Variants in COPG2 observed in about 807,000 individuals in gnomAD.
COPG2 encodes coat protein complex I subunit gamma 2.
In COPG2, 37 loss-of-function variants were observed where a neutral mutation model predicts 46.3. That is an observed-to-expected ratio of 0.80 (90% CI 0.61 to 1.05). The LOEUF (loss-of-function observed/expected upper bound fraction) is 1.05, where lower values mean the gene tolerates loss of function less well. COPG2 is among the 50% of genes least tolerant of loss of function. The probability of loss-of-function intolerance (pLI) is 0.00; values close to 1 mark genes in which losing one functional copy is unlikely to be tolerated. For missense variants in COPG2, 427 were observed against 387.8 expected (o/e 1.10, Z -0.85); for synonymous variants, 159 against 129.7 (o/e 1.23, Z -1.53).
chr7:130,621,759 A>G (rs1795042512), intron 5 of COPG2, among the ~76,000 whole-genome samples: 1 of 152,018 alleles, frequency 6.6e-6, no homozygotes, highest in Admixed American at 6.6e-5. Context: ...CCTGGCCAAC[A>G]TAGTGAAACC....
chr7:130,574,842 T>C (rs895132092), intron 9 of COPG2, among the ~76,000 whole-genome samples: 14 of 151,890 alleles, frequency 9.2e-5, no homozygotes, highest in Admixed American at 6.6e-5. Flanking sequence ...AGGAAATAGA[T>C]TGCTTAAAGA....
chr7:130,640,603 A>C (rs1272287313), intron 5 of COPG2, among the ~76,000 whole-genome samples: 1 of 152,152 alleles, frequency 6.6e-6, no homozygotes, highest in Non-Finnish European at 1.5e-5. Context: ...TCACTTCATC[A>C]TCTTTCCTGA....
intron 20 of COPG2, among the ~76,000 whole-genome samples, chr7:130,526,303 T>A (rs1264903825): frequency 1.3e-5 from 2 of 151,992 alleles, no homozygotes; most frequent in African/African-American, 4.8e-5. Context: ...GGAGAGCAGG[T>A]CAAAGTAGTG....
intron 20 of COPG2, among the ~76,000 whole-genome samples, chr7:130,515,856 AAC>A (rs1799674050): frequency 6.6e-6 from 1 of 151,888 alleles, no homozygotes; most frequent in Non-Finnish European, 1.5e-5. Context: ...GGAGAGTAGC[AAC>A]TCTGGTAGAG....
At chr7:130,555,205 A>G (rs1021567658) in intron 12 of COPG2, 73 bp from the exon 13 acceptor site, 1 of 394,622 alleles carries the variant, frequency 2.5e-6, no homozygotes, top group African/African-American at 2.1e-5. Flanking sequence ...AACAGAGAAA[A>G]GACATTCATC....
chr7:130,533,701 G>A lies in COPG2; in HGVS notation c.2149+13973C>T, dbSNP rs1799850729. Among the ~76,000 whole-genome samples the A allele has an allele frequency of 2.0e-5, 3 of 152,114 alleles. No homozygotes were observed. The South Asian group carries it at 6.2e-4, about 32-fold the overall frequency. On this transcript the variant is annotated intron_variant, in intron 20 of 23. Transcript: ENST00000425248. ...GCAGTGGCAACAACAGTGAGGGCAG[G>A]TCAGGCTGGGAGCAGACATTAAGGA... is the stretch of plus-strand genomic sequence containing the variant.
At chr7:130,624,027 A>C (rs1174616210) in intron 5 of COPG2, among the ~76,000 whole-genome samples, 8 of 152,146 alleles carry the variant, frequency 5.3e-5, no homozygotes. Context: ...AGATACTGGC[A>C]AATCTGGTGA....
At position 130,548,538 on chromosome 7, in the gene COPG2, T is replaced by G. The variant is rs1464227666; in HGVS notation, c.1842A>C (p.Gln614His). Reference protein sequence around the residue: ...APSRQDIFQEQLAAIPEFLNI... With the variant: ...APSRQDIFQEHLAAIPEFLNI... ...TCAGAAACTCAGGAATGGCAGCCAA[T>G]TGTTCTATCAAGAAAAAAGAACGTA... is the stretch of plus-strand genomic sequence containing the variant. Residue 614 changes from glutamine to histidine, a missense_variant, in exon 19 of 24, where the codon CAA (glutamine) becomes CAC (histidine). Coordinates refer to ENST00000425248, the MANE Select transcript of COPG2 (RefSeq NM_012133.6). 2 of 398,468 alleles carry G rather than the reference T, an allele frequency of 5.0e-6. No individual in the cohort carries two copies. The highest frequency in any genetic ancestry group is 8.8e-6 in the Non-Finnish European group (2 of 226,060). The allele number at this position is 398,468 out of a possible 1,614,324, so 24.7% of individuals were successfully genotyped here.
chr7:130,660,358 C>T (rs1177964570), intron 4 of COPG2, among the ~76,000 whole-genome samples: 5 of 152,176 alleles, frequency 3.3e-5, no homozygotes, highest in African/African-American at 1.2e-4. Context: ...CTTTCATCAG[C>T]AAAATCCCCT....
intron 20 of COPG2, among the ~76,000 whole-genome samples, chr7:130,525,870 C>T (rs1264416340): frequency 5.3e-5 from 8 of 151,774 alleles, no homozygotes; most frequent in African/African-American, 1.9e-4. Context: ...CAGAGGAGGA[C>T]AGAGAGTGGG....
At position 130,668,550 on chromosome 7, in the gene COPG2, C is replaced by A; in HGVS notation, c.37+82G>T. 2 of 1,372,558 alleles carry A rather than the reference C, an allele frequency of 1.5e-6. 1 individual carries two copies. Among genetic ancestry groups the A allele is most frequent in the South Asian group, 2.8e-5 (2 of 71,690 alleles). 85.0% of individuals were successfully genotyped at this position (1,372,558 alleles called of 1,614,324 possible). A position where few individuals can be genotyped will look rare whatever the true frequency, so the allele number is the denominator to read the frequency against. On this transcript the variant is annotated intron_variant, in intron 1 of 23. Transcript: ENST00000425248. ...ACGGCGGCGCCCACGCCCCCAGCCC[C>A]GCCGGCCTGAAAGCAGGTGGCGGCG... is the stretch of plus-strand genomic sequence containing the variant.
At chr7:130,632,456 T>C (rs776959146) in intron 5 of COPG2, among the ~76,000 whole-genome samples, 18 of 152,196 alleles carry the variant, frequency 1.2e-4, no homozygotes, top group Non-Finnish European at 2.1e-4. Context: ...TAAGTTTCAC[T>C]TAGTTTCTTG....
At chr7:130,603,028 C>A (rs1554450603) in intron 9 of COPG2, 2 of 152,002 alleles carry the variant, frequency 1.3e-5, no homozygotes, top group Non-Finnish European at 2.9e-5. Context: ...ACTTTTCTAC[C>A]CCAAATAAGA....
chr7:130,517,291 GA>G (rs1799687578), intron 20 of COPG2, among the ~76,000 whole-genome samples: 1 of 152,174 alleles, frequency 6.6e-6, no homozygotes, highest in Admixed American at 6.5e-5. Context: ...GTTAAGACTA[GA>G]TGGAGTGGCA....
intron 20 of COPG2, among the ~76,000 whole-genome samples, chr7:130,530,259 A>G (rs1447409660): frequency 3.3e-5 from 5 of 152,152 alleles, no homozygotes; most frequent in African/African-American, 9.7e-5. Flanking sequence ...GCAGGGGTGC[A>G]TCGGCTCACT....
chr7:130,649,654 G>A (rs1168433694), intron 5 of COPG2, among the ~76,000 whole-genome samples: 1 of 152,188 alleles, frequency 6.6e-6, no homozygotes, highest in African/African-American at 2.4e-5. Context: ...TATTCTCTAA[G>A]ATGATAAATG....
intron 9 of COPG2, chr7:130,603,841 A>C (rs782569080): frequency 1.9e-6 from 1 of 519,300 alleles, no homozygotes; most frequent in African/African-American, 1.9e-5. Flanking sequence ...ATGTAGCTGC[A>C]AATTCACATG....
rs1793480867 is a variant in COPG2, at chr7:130,548,480, C to T, written c.1900G>A (p.Val634Ile). The T allele has an allele frequency of 7.5e-6, 3 of 398,500 alleles. No homozygotes were observed. Among genetic ancestry groups the T allele is most frequent in the Non-Finnish European group, 4.4e-6 (1 of 226,074 alleles). The allele number at this position is 398,500 out of a possible 1,614,324, so 24.7% of individuals were successfully genotyped here. ...TCTGTCTCTGCTTCTGTAAGTTGAA[C>T]AGGCTCAGAAGACTTGAACAAGGGT... ...IGPLFKSSEP[V>I]QLTEAETEYF... Residue 634 changes from valine (V) to isoleucine (I), a missense_variant, in exon 19 of 24, where the codon GTT (valine) becomes ATT (isoleucine). Transcript: ENST00000425248.
intron 9 of COPG2, among the ~76,000 whole-genome samples, chr7:130,586,170 A>T (rs144036350): frequency 0.012 from 1,803 of 152,138 alleles, 54 homozygotes; most frequent in African/African-American, 0.041. Context: ...ACTCACAACA[A>T]CCTGGATGAG....
Sources: gnomAD v4.1 joint callset for allele counts (sites outside exome capture counted in the v4.1 genomes callset) on GRCh38, gnomAD v4.1.1 for gene constraint, MANE v1.5 for transcripts, NCBI Gene and HGNC (gene_info 2026-07-23, HGNC 2026-07-21) for gene names.